Variants in GALK2 observed in about 807,000 individuals in gnomAD.
GALK2 encodes the protein galactokinase 2.
Under a neutral mutation model 52.4 loss-of-function variants are expected in GALK2, and 36 were observed. That is an observed-to-expected ratio of 0.69 (90% confidence interval 0.53 to 0.91). GALK2 has a LOEUF of 0.91. GALK2 is among the 40% of genes least tolerant of loss of function. GALK2 has a pLI of 0.00. For synonymous variants in GALK2, 176 were observed against 199.1 expected, an observed-to-expected ratio of 0.88 and a Z score of 0.98; for missense variants, 579 against 559.1, an observed-to-expected ratio of 1.04 and a Z score of -0.36.
At chr15:49,303,895 T>C (rs983458519) in intron 8 of GALK2, among the ~76,000 whole-genome samples, 4 of 152,254 alleles carry the variant, frequency 2.6e-5, no homozygotes, top group Non-Finnish European at 5.9e-5. Context: ...TGTAAATATA[T>C]GTATTTAAGT....
intron 8 of GALK2, among the ~76,000 whole-genome samples, chr15:49,308,832 G>C (rs552228462): frequency 1.3e-5 from 2 of 152,362 alleles, no homozygotes; most frequent in African/African-American, 4.8e-5. Flanking sequence ...GCTCTGGAGA[G>C]AAGACTCAAA....
intron 1 of GALK2, among the ~76,000 whole-genome samples, chr15:49,157,250 A>C (rs774052520): frequency 1.6e-4 from 25 of 152,196 alleles, no homozygotes; most frequent in Non-Finnish European, 3.2e-4. Flanking sequence ...GTGATAGTGA[A>C]AGTAAAAGCT....
intron 2 of GALK2, among the ~76,000 whole-genome samples, chr15:49,202,864 T>C (rs1037585817): frequency 3.3e-5 from 5 of 152,170 alleles, no homozygotes; most frequent in African/African-American, 7.2e-5. Context: ...CTAACACTTA[T>C]TATTTTTTGT....
rs145185850 is a variant in GALK2, at chr15:49,319,546, A to G, written c.968-58A>G. On this transcript the variant is annotated intron_variant, in intron 8 of 9. Coordinates refer to ENST00000560031, the MANE Select transcript of GALK2 (RefSeq NM_002044.4). Reference sequence around the variant, plus strand: ...AGTCTTTAAAAGTGTATTTTTCTTTATACTGGGTTGTCCAGTAACTATTCC... The same window carrying G: ...AGTCTTTAAAAGTGTATTTTTCTTTGTACTGGGTTGTCCAGTAACTATTCC... 418 of 1,434,886 alleles carry G rather than the reference A, an allele frequency of 2.9e-4. 1 individual carries two copies. The African/African-American group carries it at 5.1e-3, about 18-fold the overall frequency. The allele number at this position is 1,434,886 out of a possible 1,614,324, so 88.9% of individuals were successfully genotyped here.
At chr15:49,357,691 C>A (rs1026746466) in intron 3 of GALK2, among the ~76,000 whole-genome samples, 30 of 151,840 alleles carry the variant, frequency 2.0e-4, no homozygotes, top group Admixed American at 6.6e-4. Flanking sequence ...CCTTCTGAAA[C>A]TATTCCAATC....
At chr15:49,179,024 C>T (rs1015521456) in intron 1 of GALK2, among the ~76,000 whole-genome samples, 3 of 152,150 alleles carry the variant, frequency 2.0e-5, no homozygotes, top group African/African-American at 2.4e-5. Flanking sequence ...ATCATAACCT[C>T]GTTTTCTAAG....
rs553833054 is a variant in GALK2, at chr15:49,211,167, C to T, written c.143-6023C>T. ...AGACTACATCTTGAATGCTTTGCTG[C>T]TTAGAAATTTTTTTCACCAGATATC... On this transcript the variant is annotated intron_variant, in intron 2 of 9. Coordinates refer to ENST00000560031, the MANE Select transcript of GALK2 (RefSeq NM_002044.4). Among the ~76,000 whole-genome samples, 3 of 152,244 alleles carry T rather than the reference C, an allele frequency of 2.0e-5. No individual in the cohort carries two copies. The East Asian group carries it at 5.8e-4, about 29-fold the overall frequency.
intron 1 of GALK2, among the ~76,000 whole-genome samples, chr15:49,174,773 T>C (rs1239803477): frequency 1.3e-5 from 2 of 152,198 alleles, no homozygotes; most frequent in Non-Finnish European, 1.5e-5. Flanking sequence ...TGACATCTTA[T>C]GTAGACATTT....
chr15:49,258,056 G>A (rs939977064), intron 5 of GALK2, among the ~76,000 whole-genome samples: 2 of 151,762 alleles, frequency 1.3e-5, no homozygotes, highest in South Asian at 4.2e-4. Context: ...GTATTGTGAG[G>A]AAAATAAAAT....
Position 49,299,802 on chromosome 15 carries a change from TAGTCTGAGAG to T in GALK2, c.967+7266_967+7275del, listed in dbSNP as rs1567037850. Among the ~76,000 whole-genome samples, 120 of 144,086 alleles carry T rather than the reference TAGTCTGAGAG, an allele frequency of 8.3e-4. 1 individual carries two copies. Among genetic ancestry groups the T allele is most frequent in the African/African-American group, 3.0e-3 (113 of 37,976 alleles). 94.5% of individuals were successfully genotyped at this position (144,086 alleles called of 152,430 possible). A position where few individuals can be genotyped will look rare whatever the true frequency, so the allele number is the denominator to read the frequency against. ...TTCTTTCTTTCTTTCTTTCGTGCTG[TAGTCTGAGAG>T]CGTGATTGGTATGATTTTTTTTTTA... On this transcript the variant is annotated intron_variant, in intron 8 of 9. Coordinates refer to ENST00000560031, the MANE Select transcript of GALK2 (RefSeq NM_002044.4).
chr15:49,229,295 G>T (rs2090368200), intron 3 of GALK2, among the ~76,000 whole-genome samples: 1 of 152,180 alleles, frequency 6.6e-6, no homozygotes, highest in African/African-American at 2.4e-5. Context: ...GGAGACTGTG[G>T]ATCCTGGCAG....
chr15:49,246,950 C>T lies in GALK2; in HGVS notation c.504+7583C>T, dbSNP rs144350133. 2.0e-5 allele frequency among the ~76,000 whole-genome samples: 3 copies of T among 152,158 alleles called. No individual in the cohort carries two copies. The East Asian group carries it at 5.8e-4, about 29-fold the overall frequency. On this transcript the variant is annotated intron_variant, in intron 5 of 9. Transcript: ENST00000560031. ...AGTGCCCCTGCTTTTATGGAGTTTC[C>T]ATATTGGCAGAAGTGATGGTATGAG...
intron 8 of GALK2, among the ~76,000 whole-genome samples, chr15:49,317,840 A>G (rs1242308793): frequency 6.6e-6 from 1 of 152,188 alleles, no homozygotes; most frequent in Non-Finnish European, 1.5e-5. Flanking sequence ...GTTCTCACTC[A>G]TAAGTGGGAG....
chr15:49,260,706 C>T (rs1246850826), intron 5 of GALK2, among the ~76,000 whole-genome samples: 59 of 151,600 alleles, frequency 3.9e-4, no homozygotes, highest in African/African-American at 1.1e-3. Flanking sequence ...TTAGGTCTAA[C>T]GTTTAAGTCT....
At chr15:49,313,112 A>T (rs1279568816) in intron 8 of GALK2, among the ~76,000 whole-genome samples, 1 of 152,204 alleles carries the variant, frequency 6.6e-6, no homozygotes, top group Non-Finnish European at 1.5e-5. Context: ...AAGTGTGTGT[A>T]CCCTGACTCA....
intron 7 of GALK2, among the ~76,000 whole-genome samples, chr15:49,287,958 T>TC (rs2033547527): frequency 2.1e-5 from 2 of 93,234 alleles, no homozygotes; most frequent in African/African-American, 7.6e-5. Flanking sequence ...TCTCTGTCTC[T>TC]TTCTCTCCAT....
intron 8 of GALK2, among the ~76,000 whole-genome samples, chr15:49,293,075 T>C (rs2034103033): frequency 6.6e-6 from 1 of 152,200 alleles, no homozygotes; most frequent in African/African-American, 2.4e-5. Context: ...GGCTTGTTCC[T>C]CTTAGACTAG....
chr15:49,256,680 G>A (rs2091829025), intron 5 of GALK2, among the ~76,000 whole-genome samples: 1 of 152,084 alleles, frequency 6.6e-6, no homozygotes, highest in South Asian at 2.1e-4. Flanking sequence ...CTCCCCTGTT[G>A]CCCCCTTGAT....
intron 8 of GALK2, among the ~76,000 whole-genome samples, chr15:49,295,008 A>G (rs376945033): frequency 2.6e-5 from 4 of 152,188 alleles, no homozygotes; most frequent in East Asian, 3.9e-4. Context: ...AAGGATGCCA[A>G]TTAGGAAACT....
Sources: allele counts gnomAD v4.1 joint callset (sites outside exome capture counted in the v4.1 genomes callset), GRCh38; gene constraint gnomAD v4.1.1; transcripts MANE v1.5; gene names NCBI Gene and HGNC (gene_info 2026-07-23, HGNC 2026-07-21).